Variants in MAP3K4 observed in about 807,000 individuals in gnomAD.
MAP3K4 encodes MAP three kinase 1.
A neutral mutation model predicts 185.6 loss-of-function variants in MAP3K4; 67 were observed. The observed-to-expected ratio is 0.36, with a 90% CI of 0.30 to 0.44. MAP3K4 has a LOEUF of 0.44. Among genes scored for constraint, MAP3K4 ranks in the 20% least tolerant of loss-of-function variants. MAP3K4 has a pLI of 1.00. For missense variants in MAP3K4, 1,551 were observed against 1,995.1 expected, an observed-to-expected ratio of 0.78 and a Z score of 4.24; for synonymous variants, 702 against 710.4, an observed-to-expected ratio of 0.99 and a Z score of 0.19.
At position 161,041,912 on chromosome 6, in the gene MAP3K4, C is replaced by CTTTTTTTTTTTTT. The variant is rs1184107037; in HGVS notation, c.344-6703_344-6691dup. 6.9e-4 allele frequency among the ~76,000 whole-genome samples: 44 copies of CTTTTTTTTTTTTT among 64,046 alleles called. 4 individuals are homozygous for CTTTTTTTTTTTTT. The highest frequency in any genetic ancestry group is 0.021 in the Middle Eastern group (2 of 94). 42.0% of individuals were successfully genotyped at this position (64,046 alleles called of 152,430 possible). A position where few individuals can be genotyped will look rare whatever the true frequency, so the allele number is the denominator to read the frequency against. On this transcript the variant is annotated intron_variant, in intron 2 of 26. Coordinates refer to ENST00000392142, the MANE Select transcript of MAP3K4 (RefSeq NM_005922.4). Reference sequence around the variant, plus strand: ...GGGTAAAGGCCTTGAGTTATTGTTTCTTTTTTTTTTTTTCTTTTTTTTTTT... The same window carrying CTTTTTTTTTTTTT: ...GGGTAAAGGCCTTGAGTTATTGTTTCTTTTTTTTTTTTTTTTTTTTTTTTTTCTTTTTTTTTTT...
At chr6:161,002,515 T>G (rs1781370889) in intron 1 of MAP3K4, among the ~76,000 whole-genome samples, 1 of 151,908 alleles carries the variant, frequency 6.6e-6, no homozygotes, top group South Asian at 2.1e-4. Context: ...AACCTGTATC[T>G]ATTATGGAAA....
At position 161,092,695 on chromosome 6, in the gene MAP3K4, T is replaced by C. The variant is rs376858177; in HGVS notation, c.3270-283T>C. On this transcript the variant is annotated intron_variant, in intron 13 of 26. Coordinates refer to ENST00000392142, the MANE Select transcript of MAP3K4 (RefSeq NM_005922.4). ...AACTTTGTGTTACAAAACTCATAAATACTTGTTGAATTACAAATAAATAAT... is the reference window on the plus strand; with the variant it reads ...AACTTTGTGTTACAAAACTCATAAACACTTGTTGAATTACAAATAAATAAT... Among the ~76,000 whole-genome samples, 11 of 152,320 alleles carry C rather than the reference T, an allele frequency of 7.2e-5. No individual in the cohort carries two copies. The South Asian group carries it at 1.5e-3, about 20-fold the overall frequency.
In MAP3K4 at chr6:161,097,482, A is replaced by G. The variant is rs6905942; in HGVS notation, c.3524+306A>G. Among the ~76,000 whole-genome samples, 132,392 of 152,170 alleles carry G rather than the reference A, an allele frequency of 0.87. 57,684 individuals carry two copies. Among genetic ancestry groups the G allele is most frequent in the East Asian group, 0.99 (5,123 of 5,166 alleles). ...TTCCTGCCTTTGAAAAATAACCTTC[A>G]GAAAACAAATTTGAATATGGATAGT... is the stretch of plus-strand genomic sequence containing the variant. On this transcript the variant is annotated intron_variant, in intron 16 of 26. Coordinates refer to ENST00000392142, the MANE Select transcript of MAP3K4 (RefSeq NM_005922.4). The surrounding 1 kb of genome is among the most constrained non-coding windows in gnomAD (Gnocchi z 4.9).
chr6:161,111,935 T>C lies in MAP3K4; in HGVS notation c.4496T>C (p.Val1499Ala). 6.2e-7 allele frequency: 1 copy of C among 1,614,138 alleles called. No homozygotes were observed. The highest frequency in any genetic ancestry group is 1.1e-5 in the South Asian group (1 of 91,060). The change falls in exon 24 of 27, where the codon GTG (valine) becomes GCG (alanine). Residue 1499 changes from valine to alanine, a missense_variant. Around this residue, in one of 16 missense-constraint regions of MAP3K4, gnomAD observed 159 missense variants for 300.5 expected, o/e 0.53. Transcript: ENST00000392142. ...AATGCCCAGACCATGCCTGGTGAAG[T>C]GAACAGCACCCTGGGGACAGCAGGT... is the stretch of plus-strand genomic sequence containing the variant. Reference protein sequence around the residue: ...KNNAQTMPGEVNSTLGTAAYM... With the variant: ...KNNAQTMPGEANSTLGTAAYM...
chr6:161,027,961 C>T (rs1782749888), intron 1 of MAP3K4, among the ~76,000 whole-genome samples: 1 of 152,170 alleles, frequency 6.6e-6, no homozygotes, highest in African/African-American at 2.4e-5. Flanking sequence ...GCTAGCTTCT[C>T]CTTCATGCAC....
At position 161,109,173 on chromosome 6, in the gene MAP3K4, C is replaced by G; in HGVS notation, c.4236+314C>G. The G allele has an allele frequency of 3.8e-6, 2 of 523,732 alleles. No homozygotes were observed. Among genetic ancestry groups the G allele is most frequent in the Non-Finnish European group, 6.9e-6 (2 of 289,022 alleles). The allele number at this position is 523,732 out of a possible 1,614,324, so 32.4% of individuals were successfully genotyped here. ...TTTTTTCCGTTTTTTTGCTGAACCA[C>G]TGTTGAGTACACTGTTAAGTAATAC... is the stretch of plus-strand genomic sequence containing the variant. On this transcript the variant is annotated intron_variant, in intron 22 of 26. Coordinates refer to ENST00000392142, the MANE Select transcript of MAP3K4 (RefSeq NM_005922.4). The surrounding 1 kb of genome is among the most constrained non-coding windows in gnomAD (Gnocchi z 5.7).
At chr6:161,050,064 C>A in intron 3 of MAP3K4, 85 bp downstream of exon 3, 2 of 1,336,462 alleles carry the variant, frequency 1.5e-6, no homozygotes, top group Non-Finnish European at 2.0e-6. Context: ...TATGTACTTT[C>A]ATATTCTAAT....
At chr6:161,083,505 A>G (rs1025147412) in intron 6 of MAP3K4, among the ~76,000 whole-genome samples, 3 of 152,182 alleles carry the variant, frequency 2.0e-5, no homozygotes, top group African/African-American at 7.2e-5. Flanking sequence ...TTGCTTATCA[A>G]ACGCCAAACT....
Position 161,098,559 on chromosome 6 carries a change from C to A in MAP3K4, c.3674+132C>A. The A allele has an allele frequency of 9.3e-7, 1 of 1,072,004 alleles. No individual in the cohort carries two copies. The highest frequency in any genetic ancestry group is 1.3e-6 in the Non-Finnish European group (1 of 774,100). The allele number at this position is 1,072,004 out of a possible 1,614,324, so 66.4% of individuals were successfully genotyped here. ...GTGGCGTGTGAGTGATGCTCTAGGGCCTTCCGCAGGTTGTCACGGCCCAGA... is the reference window on the plus strand; with the variant it reads ...GTGGCGTGTGAGTGATGCTCTAGGGACTTCCGCAGGTTGTCACGGCCCAGA... On this transcript the variant is annotated intron_variant, in intron 17 of 26. Transcript: ENST00000392142. The surrounding 1 kb of genome is among the most constrained non-coding windows in gnomAD (Gnocchi z 4.4).
Position 160,992,021 on chromosome 6 carries a change from G to GCCGCCACCA in MAP3K4, c.99_107dup (p.Pro34_Pro36dup), listed in dbSNP as rs1478467206. On this transcript the variant is annotated inframe_insertion, in exon 1 of 27. Coordinates refer to ENST00000392142, the MANE Select transcript of MAP3K4 (RefSeq NM_005922.4). ...TGGAGGAGCCGCCGCCACCGCCGCC[G>GCCGCCACCA]CCGCCACCACCGCCACCGGAACCCG... 8.4e-6 allele frequency: 13 copies of GCCGCCACCA among 1,555,946 alleles called. No homozygotes were observed. Among genetic ancestry groups the GCCGCCACCA allele is most frequent in the African/African-American group, 1.4e-5 (1 of 72,022 alleles).
chr6:161,085,211 A>C (rs1420652878), intron 7 of MAP3K4, among the ~76,000 whole-genome samples: 2 of 151,884 alleles, frequency 1.3e-5, no homozygotes, highest in Admixed American at 6.6e-5. Flanking sequence ...AATTTTCTTT[A>C]TTTACATTGT....
At chr6:161,046,873 C>G (rs773003313) in intron 2 of MAP3K4, among the ~76,000 whole-genome samples, 61 of 148,702 alleles carry the variant, frequency 4.1e-4, no homozygotes, top group Non-Finnish European at 7.6e-4. Context: ...ATATTCCCAA[C>G]TAATCACCTA....
intron 2 of MAP3K4, among the ~76,000 whole-genome samples, chr6:161,036,380 A>G (rs1783166603): frequency 1.3e-5 from 2 of 152,170 alleles, no homozygotes; most frequent in Non-Finnish European, 2.9e-5. Flanking sequence ...GCAAAAGATT[A>G]TGTGTTTGTT....
chr6:161,090,476 C>G (rs968996083), intron 11 of MAP3K4, among the ~76,000 whole-genome samples: 5 of 146,896 alleles, frequency 3.4e-5, no homozygotes, highest in African/African-American at 1.3e-4. Flanking sequence ...TTCTCAGCCT[C>G]TTGGATGTGG....
chr6:161,039,560 A>T (rs1380148383), intron 2 of MAP3K4, among the ~76,000 whole-genome samples: 1 of 152,212 alleles, frequency 6.6e-6, no homozygotes, highest in East Asian at 1.9e-4. Context: ...CATATGTGTG[A>T]TTAGACAATT....
intron 1 of MAP3K4, among the ~76,000 whole-genome samples, chr6:161,031,898 A>G (rs1019430549): frequency 6.6e-6 from 1 of 152,056 alleles, no homozygotes; most frequent in Non-Finnish European, 1.5e-5. Flanking sequence ...CCTCACCACA[A>G]AGGATGTGTT....
intron 1 of MAP3K4, among the ~76,000 whole-genome samples, chr6:161,006,842 A>G (rs916916248): frequency 6.6e-6 from 1 of 152,150 alleles, no homozygotes; most frequent in African/African-American, 2.4e-5. Flanking sequence ...AACATTCTCC[A>G]GTCCCGAGAT....
At position 161,034,119 on chromosome 6, in the gene MAP3K4, G is replaced by A; in HGVS notation, c.153-140G>A. On this transcript the variant is annotated intron_variant, in intron 1 of 26. Coordinates refer to ENST00000392142, the MANE Select transcript of MAP3K4 (RefSeq NM_005922.4). This position sits in a 1 kb window ranked among gnomAD's most constrained non-coding sequence, Gnocchi z 4.4. ...AAGTTCTCCTTTTGAGTTTTCACAGGTAAAAATGAGGAGGAGCACAGTGCT... is the reference window on the plus strand; with the variant it reads ...AAGTTCTCCTTTTGAGTTTTCACAGATAAAAATGAGGAGGAGCACAGTGCT... 3.4e-6 allele frequency: 2 copies of A among 591,138 alleles called. No homozygotes were observed. Among genetic ancestry groups the A allele is most frequent in the Non-Finnish European group, 5.6e-6 (2 of 357,556 alleles). 36.6% of individuals were successfully genotyped at this position (591,138 alleles called of 1,614,324 possible). A position where few individuals can be genotyped will look rare whatever the true frequency, so the allele number is the denominator to read the frequency against.
intron 19 of MAP3K4, 23 bp downstream of exon 19, chr6:161,102,802 TAAAAAAAAA>T: frequency 9.9e-6 from 6 of 604,432 alleles, no homozygotes; most frequent in South Asian, 3.1e-5. Context: ...GTGTTGAAGT[TAAAAAAAAA>T]AAAAAAAAAA....
Sources: allele counts gnomAD v4.1 joint callset (sites outside exome capture counted in the v4.1 genomes callset), GRCh38; gene constraint gnomAD v4.1.1; regional missense constraint gnomAD v4.1.1; non-coding constraint Gnocchi (gnomAD v3.1); transcripts MANE v1.5; gene names NCBI Gene and HGNC (gene_info 2026-07-23, HGNC 2026-07-21).